The following ADGRB3 variants were observed in gnomAD, a reference collection of about 807,000 sequenced individuals.
ADGRB3 encodes adhesion G protein-coupled receptor B3.
A neutral mutation model predicts 193.4 loss-of-function variants in ADGRB3; 37 were observed. That is an observed-to-expected ratio of 0.19 (90% CI 0.15 to 0.25). The LOEUF (loss-of-function observed/expected upper bound fraction) is 0.25, where lower values mean the gene tolerates loss of function less well. ADGRB3 is among the 10% of genes least tolerant of loss of function. The pLI, the probability that ADGRB3 is intolerant of heterozygous loss-of-function variation, is 1.00. For missense variants in ADGRB3, 1,637 were observed against 1,852.9 expected (o/e 0.88, Z 2.14); for synonymous variants, 690 against 644.2 (o/e 1.07, Z -1.08).
At chr6:69,219,485 A>G (rs1652163858) in intron 17 of ADGRB3, among the ~76,000 whole-genome samples, 1 of 141,066 alleles carries the variant, frequency 7.1e-6, no homozygotes, top group African/African-American at 2.6e-5. Context: ...ATATATATAT[A>G]TATATATACG....
intron 3 of ADGRB3, among the ~76,000 whole-genome samples, chr6:68,849,047 G>A (rs1768345072): frequency 6.6e-6 from 1 of 152,010 alleles, no homozygotes; most frequent in Non-Finnish European, 1.5e-5. Context: ...AAGGTTAAAT[G>A]CTCACCCAGA....
chr6:69,087,387 C>T (rs554314824), intron 17 of ADGRB3, among the ~76,000 whole-genome samples: 42 of 152,200 alleles, frequency 2.8e-4, no homozygotes, highest in African/African-American at 1.0e-3. Context: ...GTTTGTGTCA[C>T]CCCAAAATTC....
Position 68,772,895 on chromosome 6 carries a change from ATATATATATATATATATATATAT to A in ADGRB3, c.757+133464_757+133486del, listed in dbSNP as rs1283853281. ...CAAACAAACAAACAAAAAAAAAAAA[ATATATATATATATATATATATAT>A]ATATATATATATATACATACACACA... On this transcript the variant is annotated intron_variant, in intron 3 of 31. Transcript: ENST00000370598. 2.3e-3 allele frequency among the ~76,000 whole-genome samples: 77 copies of A among 33,348 alleles called. 2 individuals are homozygous for A. Among genetic ancestry groups the A allele is most frequent in the African/African-American group, 7.8e-3 (72 of 9,242 alleles). The allele number at this position is 33,348 out of a possible 152,430, so 21.9% of individuals were successfully genotyped here.
At chr6:68,831,741 T>C (rs527854387) in intron 3 of ADGRB3, among the ~76,000 whole-genome samples, 39 of 121,848 alleles carry the variant, frequency 3.2e-4, no homozygotes, top group Non-Finnish European at 7.2e-4. Flanking sequence ...GATTAGATTC[T>C]CCAGAAAGTC....
intron 17 of ADGRB3, among the ~76,000 whole-genome samples, chr6:69,206,145 C>T (rs548771989): frequency 1.4e-5 from 2 of 147,934 alleles, no homozygotes; most frequent in South Asian, 4.3e-4. Flanking sequence ...GGCTGAGGAG[C>T]AAGGACAGCC....
intron 3 of ADGRB3, among the ~76,000 whole-genome samples, chr6:68,827,380 AAATAAT>A (rs897614325): frequency 1.2e-4 from 19 of 152,110 alleles, no homozygotes; most frequent in Non-Finnish European, 2.6e-4. Context: ...TTTTTTAAAA[AAATAAT>A]AATAATAAAT....
Position 69,008,685 on chromosome 6 carries a change from G to A in ADGRB3, c.1930-5353G>A, listed in dbSNP as rs780222854. Reference sequence around the variant, plus strand: ...GATGAACTGGGTTTTTGAAGTTCGTGGGTTTATGGAAGAAGAGGCCCATTC... The same window carrying A: ...GATGAACTGGGTTTTTGAAGTTCGTAGGTTTATGGAAGAAGAGGCCCATTC... On this transcript the variant is annotated intron_variant, in intron 11 of 31. Transcript: ENST00000370598. Among the ~76,000 whole-genome samples the A allele has an allele frequency of 2.0e-3, 297 of 152,036 alleles. 2 individuals carry two copies. The highest frequency in any genetic ancestry group is 6.6e-3 in the Admixed American group (101 of 15,246).
intron 3 of ADGRB3, among the ~76,000 whole-genome samples, chr6:68,655,564 C>G (rs1003777195): frequency 1.3e-5 from 2 of 151,558 alleles, no homozygotes; most frequent in Non-Finnish European, 3.0e-5. Flanking sequence ...AATTAAAATG[C>G]CTCCTGGACT....
intron 3 of ADGRB3, among the ~76,000 whole-genome samples, chr6:68,824,100 T>A (rs1357294964): frequency 6.6e-6 from 1 of 152,198 alleles, no homozygotes; most frequent in Non-Finnish European, 1.5e-5. Flanking sequence ...CTTCATCAAT[T>A]CTGGGAAATT....
chr6:69,165,897 A>G (rs545281430), intron 17 of ADGRB3, among the ~76,000 whole-genome samples: 1 of 152,236 alleles, frequency 6.6e-6, no homozygotes, highest in South Asian at 2.1e-4. Context: ...ACAAGGGACT[A>G]AATTTTAATT....
At chr6:69,211,681 C>T (rs1230473828) in intron 17 of ADGRB3, among the ~76,000 whole-genome samples, 1 of 152,140 alleles carries the variant, frequency 6.6e-6, no homozygotes, top group Non-Finnish European at 1.5e-5. Context: ...ATCTTCTTCT[C>T]ACTCAAATGT....
chr6:68,681,046 A>G (rs945292888), intron 3 of ADGRB3, among the ~76,000 whole-genome samples: 1 of 152,156 alleles, frequency 6.6e-6, no homozygotes, highest in Non-Finnish European at 1.5e-5. Flanking sequence ...GGCCTCAAGA[A>G]GCTTTCATCA....
At chr6:69,171,145 CATA>C (rs34107480) in intron 17 of ADGRB3, among the ~76,000 whole-genome samples, 75,190 of 151,666 alleles carry the variant, frequency 0.5, 20,388 homozygotes, top group East Asian at 0.86. Flanking sequence ...TTCTCTTTTT[CATA>C]ATGTCTTTGA....
Position 68,959,612 on chromosome 6 carries a change from G to A in ADGRB3, c.1525+2803G>A, listed in dbSNP as rs111942375. Among the ~76,000 whole-genome samples the A allele has an allele frequency of 8.0e-3, 1,210 of 152,160 alleles. 10 individuals carry two copies. Among genetic ancestry groups the A allele is most frequent in the African/African-American group, 0.025 (1,048 of 41,524 alleles). ...GGATCTAATCTAAAGCTGTTATGATGTCTACTGAAAATGAAAAATAAAACT... is the reference window on the plus strand; with the variant it reads ...GGATCTAATCTAAAGCTGTTATGATATCTACTGAAAATGAAAAATAAAACT... On this transcript the variant is annotated intron_variant, in intron 8 of 31. Coordinates refer to ENST00000370598, the MANE Select transcript of ADGRB3 (RefSeq NM_001704.3).
chr6:69,359,800 G>A (rs181248444), intron 28 of ADGRB3, among the ~76,000 whole-genome samples: 47 of 151,978 alleles, frequency 3.1e-4, no homozygotes, highest in African/African-American at 1.1e-3. Context: ...CACCAGATGT[G>A]CATGTTGAAC....
chr6:68,993,816 A>G lies in ADGRB3; in HGVS notation c.1783A>G (p.Met595Val). The change falls in exon 11 of 32, where the codon ATG becomes GTG. Residue 595 changes from methionine (M) to valine (V), a missense_variant. Physicochemically the swap from Met to Val is conservative, Grantham distance 21. Around this residue, in one of 7 missense-constraint regions of ADGRB3, gnomAD observed 641 missense variants for 673.9 expected, o/e 0.95. Transcript: ENST00000370598. ...GCAGCGAATGCTGGCAGGTGATGGA[A>G]TGTCCCAGGTGACCAAGACACTGTT... ...KGQRMLAGDG[M>V]SQVTKTLLDL... 6.2e-7 allele frequency: 1 copy of G among 1,613,958 alleles called. No homozygotes were observed. The highest frequency in any genetic ancestry group is 8.5e-7 in the Non-Finnish European group (1 of 1,179,840).
intron 10 of ADGRB3, among the ~76,000 whole-genome samples, chr6:68,986,834 G>A (rs1769090270): frequency 1.3e-5 from 2 of 152,098 alleles, no homozygotes; most frequent in Non-Finnish European, 1.5e-5. Flanking sequence ...CATTTGCACA[G>A]AGCAACTATG....
intron 16 of ADGRB3, among the ~76,000 whole-genome samples, chr6:69,074,924 T>C (rs1772185490): frequency 6.6e-6 from 1 of 152,166 alleles, no homozygotes; most frequent in Non-Finnish European, 1.5e-5. Flanking sequence ...GATAATCATG[T>C]TTGTTTGTTT....
At chr6:69,073,245 A>G (rs1228618660) in intron 16 of ADGRB3, among the ~76,000 whole-genome samples, 1 of 151,230 alleles carries the variant, frequency 6.6e-6, no homozygotes, top group East Asian at 2.0e-4. Flanking sequence ...ATTCCCTAAC[A>G]AGTAAGACCC....
Sources: allele counts gnomAD v4.1 joint callset (sites outside exome capture counted in the v4.1 genomes callset), GRCh38; gene constraint gnomAD v4.1.1; regional missense constraint gnomAD v4.1.1; transcripts MANE v1.5; gene names NCBI Gene and HGNC (gene_info 2026-07-23, HGNC 2026-07-21).